The following XG variants were observed in gnomAD, a reference collection of about 807,000 sequenced individuals.
XG encodes the protein glycoprotein Xg.
A neutral mutation model predicts 25.7 loss-of-function variants in XG; 24 were observed. That is an observed-to-expected ratio of 0.93 (90% CI 0.68 to 1.31). The LOEUF (loss-of-function observed/expected upper bound fraction) is 1.31, where lower values mean the gene tolerates loss of function less well. XG is among the 40% of genes most tolerant of loss of function. The pLI, the probability that XG is intolerant of heterozygous loss-of-function variation, is 0.00. For synonymous variants in XG, 77 were observed against 69.2 expected, an observed-to-expected ratio of 1.11 and a Z score of -0.56; for missense variants, 181 against 187.6, an observed-to-expected ratio of 0.96 and a Z score of 0.21.
intron 4 of XG, among the ~76,000 whole-genome samples, chrX:2,786,331 G>T (rs777779254): frequency 1.1e-5 from 1 of 94,032 alleles, no homozygotes; most frequent in East Asian, 3.4e-4. Context: ...ACGATGGCAT[G>T]ATCTTGGCTC....
chrX:2,753,609 G>A (rs1048961668), intron 1 of XG, among the ~76,000 whole-genome samples: 3 of 150,818 alleles, frequency 2.0e-5, no homozygotes, highest in Non-Finnish European at 2.9e-5. Flanking sequence ...ATGTCGTGTC[G>A]TTTCATTCTG....
intron 3 of XG, among the ~76,000 whole-genome samples, chrX:2,776,825 C>A (rs1303448531): frequency 6.6e-6 from 1 of 151,184 alleles, no homozygotes; most frequent in Non-Finnish European, 1.5e-5. Flanking sequence ...CCAGCCTGGG[C>A]GACAGAGCGA....
intron 4 of XG, among the ~76,000 whole-genome samples, chrX:2,788,716 G>A (rs191338075): frequency 1.0e-4 from 11 of 110,524 alleles, no homozygotes; most frequent in Admixed American, 2.9e-4. Flanking sequence ...TTGGCCAGGC[G>A]TGGTGGCACA....
At position 2,786,260 on chromosome X, in the gene XG, CTT is replaced by C. The variant is rs1179667048; in HGVS notation, c.191-3368_191-3367del. On this transcript the variant is annotated intron_variant, in intron 4 of 10. Coordinates refer to ENST00000644266, the MANE Select transcript of XG (RefSeq NM_001141919.2). The stretch of plus-strand genomic sequence containing the variant: ...CCCCAGCAGCTCCTATCCATGTTGT[CTT>C]TTTTTTTTTTTTTTTCAGACAGAGT... 9.7e-4 allele frequency among the ~76,000 whole-genome samples: 59 copies of C among 60,562 alleles called. 2 individuals are homozygous for C. Among genetic ancestry groups the C allele is most frequent in the African/African-American group, 4.0e-3 (57 of 14,218 alleles). 52.6% of individuals were successfully genotyped at this position (60,562 alleles called of 115,157 possible). A position where few individuals can be genotyped will look rare whatever the true frequency, so the allele number is the denominator to read the frequency against.
At chrX:2,796,996 T>C (rs1439477637) in intron 6 of XG, among the ~76,000 whole-genome samples, 1 of 112,099 alleles carries the variant, frequency 8.9e-6, no homozygotes, top group African/African-American at 3.2e-5. Context: ...GCTGATCTCA[T>C]ATCAGTTTCT....
intron 7 of XG, among the ~76,000 whole-genome samples, chrX:2,800,871 C>T (rs1603457822): frequency 9.2e-6 from 1 of 108,614 alleles, no homozygotes; most frequent in African/African-American, 3.4e-5. Flanking sequence ...CGCCTGTGGT[C>T]CCAGCTACTC....
rs1391538557 is a variant in XG at position 2,759,438 on chromosome X, G to C, written c.61+7103G>C. On this transcript the variant is annotated intron_variant, in intron 1 of 10. Transcript: ENST00000644266. ...TATAGTTGTCCTGTACAGTATAGGA[G>C]GTACGGTATAGTTGTCTGGGCATTT... Among the ~76,000 whole-genome samples the C allele has an allele frequency of 3.3e-5, 5 of 152,046 alleles. 1 individual carries two copies. The East Asian group carries it at 7.7e-4, about 23-fold the overall frequency.
intron 2 of XG, among the ~76,000 whole-genome samples, chrX:2,772,888 C>T (rs1239769222): frequency 1.3e-5 from 2 of 152,186 alleles, no homozygotes; most frequent in African/African-American, 4.8e-5. Flanking sequence ...ATCCACAGCC[C>T]TTCCTCATGG....
Position 2,811,380 on chromosome X carries a change from G to A in XG, c.499G>A (p.Val167Met). Reference protein sequence around the residue: ...KIVSPIVSVVVVTLLGAAASY... With the variant: ...KIVSPIVSVVMVTLLGAAASY... ...CGTGTCTCCCATCGTATCCGTGGTG[G>A]TGGTGACACTGCTGGGAGCAGCAGC... Residue 167 changes from valine to methionine, a missense_variant, in exon 10 of 11, where the codon GTG (valine) becomes ATG (methionine). Physicochemically the swap from Val to Met is conservative, Grantham distance 21. Coordinates refer to ENST00000644266, the MANE Select transcript of XG (RefSeq NM_001141919.2). 1.7e-6 allele frequency: 2 copies of A among 1,208,971 alleles called. No homozygotes were observed. The highest frequency in any genetic ancestry group is 3.5e-5 in the African/African-American group (2 of 57,637).
At chrX:2,765,931 A>G (rs1603304599) in intron 1 of XG, among the ~76,000 whole-genome samples, 1 of 152,282 alleles carries the variant, frequency 6.6e-6, no homozygotes, top group South Asian at 2.1e-4. Context: ...TGGAGAAAAG[A>G]CATACAAATG....
chrX:2,780,542 A>T (rs1324238479), intron 3 of XG, among the ~76,000 whole-genome samples: 2 of 151,938 alleles, frequency 1.3e-5, no homozygotes, highest in East Asian at 3.9e-4. Flanking sequence ...AGCCTGGCCA[A>T]CATGGTGAAA....
intron 5 of XG, among the ~76,000 whole-genome samples, chrX:2,791,052 TTTC>T (rs200724145): frequency 0.037 from 4,038 of 109,875 alleles, 106 homozygotes; most frequent in East Asian, 0.23. Context: ...AAGGCAATTT[TTTC>T]TTGTTTTTTT....
At position 2,816,048 on chromosome X, in the gene XG, T is replaced by C. The variant is rs2087102214; in HGVS notation, c.*1668T>C. 8.9e-6 allele frequency: 1 copy of C among 112,336 alleles called. No homozygotes were observed. The highest frequency in any genetic ancestry group is 3.7e-4 in the South Asian group (1 of 2,720). 9.3% of individuals were successfully genotyped at this position (112,336 alleles called of 1,213,427 possible). On this transcript the variant is annotated 3_prime_UTR_variant, in exon 11 of 11. Transcript: ENST00000644266. ...CTGTGAATATGATGCCATAAATCTC[T>C]TTTAAAGCTCAAGATAGACTATGAA...
rs1603305728 is a variant in XG, at chrX:2,770,551, T to C, written c.63T>C (p.Gly21=). 6.2e-7 allele frequency: 1 copy of C among 1,613,824 alleles called. No individual in the cohort carries two copies. The change falls in exon 2 of 11, where the codon GGT becomes GGC. Residue 21 remains glycine, a splice_region_variant and synonymous_variant. Transcript: ENST00000644266. The part of the protein sequence containing the change: ...AFLCFLMHAR[G]QRDFDLADAL... ...TTATGCCCTGTTTGCTCCCAATAGGTCAAAGAGACTTTGATTTGGCAGATG... is the reference window on the plus strand; with the variant it reads ...TTATGCCCTGTTTGCTCCCAATAGGCCAAAGAGACTTTGATTTGGCAGATG...
intron 7 of XG, among the ~76,000 whole-genome samples, chrX:2,801,777 C>G (rs758770018): frequency 9.0e-6 from 1 of 110,555 alleles, no homozygotes; most frequent in African/African-American, 3.3e-5. Context: ...GGCGTCATCT[C>G]GGCTCACTGC....
chrX:2,765,056 A>AG (rs1212286475), intron 1 of XG, among the ~76,000 whole-genome samples: 6 of 131,502 alleles, frequency 4.6e-5, no homozygotes, highest in African/African-American at 1.7e-4. Flanking sequence ...AAAAAAAAAA[A>AG]AAAAAAAAAG....
At chrX:2,771,573 G>T (rs2050820566) in intron 2 of XG, among the ~76,000 whole-genome samples, 1 of 152,214 alleles carries the variant, frequency 6.6e-6, no homozygotes, top group Non-Finnish European at 1.5e-5. Context: ...GTGGGTGGGA[G>T]AAAGGGAAAG....
intron 9 of XG, 21 bp downstream of exon 9, chrX:2,808,241 G>A (rs1434042288): frequency 8.3e-7 from 1 of 1,209,667 alleles, no homozygotes; most frequent in Admixed American, 2.2e-5. Context: ...GACTCACCCG[G>A]TCCCAACCTT....
chrX:2,790,609 C>T (rs2086828187), intron 5 of XG, among the ~76,000 whole-genome samples: 2 of 111,100 alleles, frequency 1.8e-5, no homozygotes, highest in African/African-American at 6.5e-5. Flanking sequence ...TTGAAACCAG[C>T]GGCCAACATG....
Sources: gnomAD v4.1 joint callset for allele counts (sites outside exome capture counted in the v4.1 genomes callset) on GRCh38, gnomAD v4.1.1 for gene constraint, MANE v1.5 for transcripts, NCBI Gene and HGNC (gene_info 2026-07-23, HGNC 2026-07-21) for gene names.